GRM3: variants seen among roughly 807,000 people sequenced by gnomAD.
GRM3 encodes the protein metabotropic glutamate receptor 3.
A neutral mutation model predicts 70.5 loss-of-function variants in GRM3; 26 were observed. The observed-to-expected ratio is 0.37, with a 90% CI of 0.27 to 0.51. The LOEUF (loss-of-function observed/expected upper bound fraction) is 0.51. Among genes scored for constraint, GRM3 ranks in the 20% least tolerant of loss-of-function variants. The pLI is 0.93. For missense variants in GRM3, 859 were observed against 1,123.8 expected, an observed-to-expected ratio of 0.76 and a Z score of 3.37; for synonymous variants, 443 against 434.9, an observed-to-expected ratio of 1.02 and a Z score of -0.23.
In GRM3 at chr7:86,698,617, C is replaced by T. The variant is rs112775969; in HGVS notation, c.-141+53745C>T. On this transcript the variant is annotated intron_variant, in intron 1 of 5. Transcript: ENST00000361669. ...CACATATATATAAACACTATAAAAGCTTGGAACCCCAATGCACAAATGCAC... is the reference window on the plus strand; with the variant it reads ...CACATATATATAAACACTATAAAAGTTTGGAACCCCAATGCACAAATGCAC... Among the ~76,000 whole-genome samples the T allele has an allele frequency of 3.9e-3, 583 of 149,666 alleles. 1 individual carries two copies. The highest frequency in any genetic ancestry group is 6.4e-3 in the Non-Finnish European group (432 of 67,490).
At chr7:86,812,716 T>C (rs1475898684) in intron 3 of GRM3, among the ~76,000 whole-genome samples, 5 of 151,786 alleles carry the variant, frequency 3.3e-5, no homozygotes, top group African/African-American at 9.7e-5. Flanking sequence ...ATATTTGTTG[T>C]GGAAAAATTG....
intron 4 of GRM3, among the ~76,000 whole-genome samples, chr7:86,840,142 G>A (rs145512796): frequency 1.4e-4 from 22 of 152,104 alleles, no homozygotes; most frequent in Admixed American, 1.2e-3. Context: ...TAAATGATAC[G>A]GTCATTTACC....
chr7:86,725,730 G>C (rs183784355), intron 1 of GRM3, among the ~76,000 whole-genome samples: 1 of 152,230 alleles, frequency 6.6e-6, no homozygotes, highest in Admixed American at 6.5e-5. Flanking sequence ...ACTATAGACT[G>C]GTTGGCTTAT....
intron 1 of GRM3, among the ~76,000 whole-genome samples, chr7:86,708,083 C>T (rs1279400411): frequency 6.6e-6 from 1 of 152,132 alleles, no homozygotes; most frequent in Admixed American, 6.5e-5. Context: ...GGATTCTAAG[C>T]CAGTCTCTCT....
At chr7:86,805,028 C>A (rs1475095332) in intron 3 of GRM3, among the ~76,000 whole-genome samples, 4 of 152,062 alleles carry the variant, frequency 2.6e-5, no homozygotes, top group Admixed American at 6.6e-5. Flanking sequence ...GTGGGAGGAT[C>A]ACTTGAGCCC....
At chr7:86,770,204 A>G (rs944062403) in intron 2 of GRM3, among the ~76,000 whole-genome samples, 4 of 152,148 alleles carry the variant, frequency 2.6e-5, no homozygotes, top group African/African-American at 9.7e-5. Flanking sequence ...ATTAGAACAT[A>G]GCAGATATAA....
intron 1 of GRM3, among the ~76,000 whole-genome samples, chr7:86,692,226 A>C (rs1293207693): frequency 6.6e-6 from 1 of 152,232 alleles, no homozygotes; most frequent in African/African-American, 2.4e-5. Flanking sequence ...AGTGTTCTCA[A>C]CAAGCATAAG....
intron 1 of GRM3, among the ~76,000 whole-genome samples, chr7:86,722,739 T>C (rs1238727351): frequency 1.3e-5 from 2 of 151,688 alleles, no homozygotes; most frequent in South Asian, 2.1e-4. Flanking sequence ...ATCCTAGAAC[T>C]TAAAATATGA....
intron 1 of GRM3, among the ~76,000 whole-genome samples, chr7:86,739,927 A>G (rs1323647661): frequency 2.6e-5 from 4 of 152,120 alleles, no homozygotes; most frequent in Admixed American, 1.3e-4. Flanking sequence ...TAAAATGTAA[A>G]TTTCCTCTAG....
chr7:86,863,741 G>A (rs1799003891), intron 5 of GRM3, among the ~76,000 whole-genome samples: 1 of 152,148 alleles, frequency 6.6e-6, no homozygotes, highest in African/African-American at 2.4e-5. Flanking sequence ...AAATAATTTA[G>A]TAACCTATAA....
chr7:86,805,237 A>AAT (rs1352924581), intron 3 of GRM3, among the ~76,000 whole-genome samples: 2 of 152,234 alleles, frequency 1.3e-5, no homozygotes, highest in Admixed American at 1.3e-4. Context: ...TGTGTTGTTC[A>AAT]ATATATATTA....
chr7:86,825,680 G>C lies in GRM3; in HGVS notation c.1325-13159G>C, dbSNP rs149149156. Reference sequence around the variant, plus strand: ...TAGCTGCTGTGCTTGTCTTCGGAAAGTTCATCCTTGAAGGCTGAATAAAAT... The same window carrying C: ...TAGCTGCTGTGCTTGTCTTCGGAAACTTCATCCTTGAAGGCTGAATAAAAT... On this transcript the variant is annotated intron_variant, in intron 3 of 5. Transcript: ENST00000361669. 5.2e-3 allele frequency among the ~76,000 whole-genome samples: 785 copies of C among 152,304 alleles called. 10 individuals are homozygous for C. Among genetic ancestry groups the C allele is most frequent in the South Asian group, 0.024 (118 of 4,824 alleles).
intron 1 of GRM3, among the ~76,000 whole-genome samples, chr7:86,653,612 T>C (rs2115789859): frequency 6.6e-6 from 1 of 152,254 alleles, no homozygotes; most frequent in Admixed American, 6.5e-5. Flanking sequence ...TGCAAACACA[T>C]ATAATAATAC....
intron 1 of GRM3, among the ~76,000 whole-genome samples, chr7:86,665,651 C>T (rs1794006208): frequency 6.6e-6 from 1 of 151,978 alleles, no homozygotes. Flanking sequence ...ATATTATAGT[C>T]TTCTCTATAA....
At chr7:86,833,551 G>A (rs1798396834) in intron 3 of GRM3, among the ~76,000 whole-genome samples, 1 of 152,066 alleles carries the variant, frequency 6.6e-6, no homozygotes, top group Admixed American at 6.5e-5. Context: ...AATACACTAG[G>A]GCTTCAAGCT....
At chr7:86,788,931 T>C (rs1797338206) in intron 3 of GRM3, among the ~76,000 whole-genome samples, 1 of 152,218 alleles carries the variant, frequency 6.6e-6, no homozygotes, top group Non-Finnish European at 1.5e-5. Context: ...ACGCTTAGAA[T>C]TCAGAGAGCC....
chr7:86,856,634 A>C (rs1169657431), intron 5 of GRM3, among the ~76,000 whole-genome samples: 1 of 152,132 alleles, frequency 6.6e-6, no homozygotes, highest in Admixed American at 6.6e-5. Context: ...ATTCCTGAGA[A>C]TCTCATTCCA....
chr7:86,760,662 T>A (rs1796456949), intron 1 of GRM3, among the ~76,000 whole-genome samples: 1 of 152,004 alleles, frequency 6.6e-6, no homozygotes, highest in Non-Finnish European at 1.5e-5. Flanking sequence ...CTTTTTTTTT[T>A]AACTTTCTTA....
intron 1 of GRM3, among the ~76,000 whole-genome samples, chr7:86,757,606 A>C (rs923312297): frequency 6.6e-6 from 1 of 152,032 alleles, no homozygotes; most frequent in African/African-American, 2.4e-5. Flanking sequence ...CTGCCCACCA[A>C]CTCCATGCAG....
Sources: gnomAD v4.1 joint callset for allele counts (sites outside exome capture counted in the v4.1 genomes callset) on GRCh38, gnomAD v4.1.1 for gene constraint, MANE v1.5 for transcripts, NCBI Gene and HGNC (gene_info 2026-07-23, HGNC 2026-07-21) for gene names.